ZNF440: variants seen among roughly 807,000 people sequenced by gnomAD.
The protein encoded by ZNF440 is zinc finger protein 440.
ZNF440 carries 47 observed loss-of-function variants against 49.7 expected under a neutral mutation model. That is an observed-to-expected ratio of 0.95 (90% confidence interval 0.75 to 1.21). ZNF440 has a LOEUF of 1.21. Ranked by LOEUF, ZNF440 falls within the 50% of genes most tolerant of loss-of-function variation. The pLI is 0.00. For synonymous variants in ZNF440, 255 were observed against 237.7 expected (o/e 1.07, Z -0.67); for missense variants, 703 against 715.0 (o/e 0.98, Z 0.19).
At chr19:11,820,394 AT>A (rs1445073221) in intron 1 of ZNF440, among the ~76,000 whole-genome samples, 2 of 151,554 alleles carry the variant, frequency 1.3e-5, no homozygotes, top group Admixed American at 6.6e-5. Flanking sequence ...TTTTTTTTGT[AT>A]TTTTTGTAGA....
intron 1 of ZNF440, among the ~76,000 whole-genome samples, chr19:11,822,788 A>G (rs989428643): frequency 5.3e-5 from 8 of 150,806 alleles, no homozygotes; most frequent in African/African-American, 1.7e-4. Context: ...TGGAGGTTGT[A>G]GTGAGCCAAG....
In ZNF440 at chr19:11,833,555, CA is replaced by C. The variant is rs901218459; in HGVS notation, c.*592del. 28 of 301,328 alleles carry C rather than the reference CA, an allele frequency of 9.3e-5. No homozygotes were observed. The highest frequency in any genetic ancestry group is 5.4e-4 in the African/African-American group (24 of 44,140). 18.7% of individuals were successfully genotyped at this position (301,328 alleles called of 1,614,324 possible). On this transcript the variant is annotated 3_prime_UTR_variant, in exon 4 of 4. Coordinates refer to ENST00000304060, the MANE Select transcript of ZNF440 (RefSeq NM_152357.3). ...TTCTTTTCAATATCATGAAAGAACA[CA>C]CTAGGGAGAAACCCTATCAATGTAA...
At position 11,831,400 on chromosome 19, in the gene ZNF440, A is replaced by G; in HGVS notation, c.224A>G (p.Lys75Arg). ...SLIEEKVNEIKDDSHCGETFT... is the reference protein window; with the variant it reads ...SLIEEKVNEIRDDSHCGETFT... ...ATAGAAGAAAAAGTCAATGAAATTA[A>G]AGATGACAGTCATTGTGGAGAAACT... is the stretch of plus-strand genomic sequence containing the variant. The change falls in exon 4 of 4, where the codon AAA (lysine) becomes AGA (arginine). Residue 75 changes from lysine (K) to arginine (R), a missense_variant. By Grantham distance (26) the Lys-to-Arg change is conservative. Coordinates refer to ENST00000304060, the MANE Select transcript of ZNF440 (RefSeq NM_152357.3). 6.2e-7 allele frequency: 1 copy of G among 1,609,406 alleles called. No homozygotes were observed. The highest frequency in any genetic ancestry group is 1.3e-5 in the African/African-American group (1 of 74,586).
In ZNF440 at chr19:11,832,726, C is replaced by G. The variant is rs201343885; in HGVS notation, c.1550C>G (p.Ala517Gly). 10 of 1,602,596 alleles carry G rather than the reference C, an allele frequency of 6.2e-6. No homozygotes were observed. Among genetic ancestry groups the G allele is most frequent in the South Asian group, 3.3e-5 (3 of 89,964 alleles). Residue 517 changes from alanine to glycine, a missense_variant, in exon 4 of 4, where the codon GCG becomes GGG. Physicochemically the swap from Ala to Gly is moderately conservative, Grantham distance 60 (BLOSUM62 0). Coordinates refer to ENST00000304060, the MANE Select transcript of ZNF440 (RefSeq NM_152357.3). Reference protein sequence around the residue: ...GLTLERSPINASNVGKPSELC... With the variant: ...GLTLERSPINGSNVGKPSELC... ...ACACTGGAGAGAAGCCCTATAAATG[C>G]GAGCAATGTGGGAAAGCCTTCAGAG...
Position 11,833,784 on chromosome 19 carries a change from CT to C in ZNF440, c.*822del. 2 of 849,586 alleles carry C rather than the reference CT, an allele frequency of 2.4e-6. No individual in the cohort carries two copies. The highest frequency in any genetic ancestry group is 1.7e-6 in the Non-Finnish European group (1 of 578,928). The allele number at this position is 849,586 out of a possible 1,614,324, so 52.6% of individuals were successfully genotyped here. A position where few individuals can be genotyped will look rare whatever the true frequency, so the allele number is the denominator to read the frequency against. ...GAAAGCCTTCAGATCAGCCTCGCAC[CT>C]TCAAATGCATGGAAGGACTCACACT... On this transcript the variant is annotated 3_prime_UTR_variant, in exon 4 of 4. Transcript: ENST00000304060.
intron 1 of ZNF440, among the ~76,000 whole-genome samples, chr19:11,829,213 GT>G (rs1975903644): frequency 6.6e-6 from 1 of 151,842 alleles, no homozygotes. Context: ...GCTTAGGAAT[GT>G]CCCCTTTGCC....
intron 1 of ZNF440, among the ~76,000 whole-genome samples, chr19:11,826,573 AT>A (rs1337458473): frequency 7.9e-5 from 12 of 152,000 alleles, no homozygotes; most frequent in African/African-American, 2.9e-4. Flanking sequence ...TGTCTCCAGC[AT>A]TTGGAAGTGT....
Position 11,833,213 on chromosome 19 carries a change from A to C in ZNF440, c.*249A>C. 4.8e-6 allele frequency: 5 copies of C among 1,041,522 alleles called. No homozygotes were observed. The highest frequency in any genetic ancestry group is 7.1e-6 in the Non-Finnish European group (5 of 705,004). 64.5% of individuals were successfully genotyped at this position (1,041,522 alleles called of 1,614,324 possible). On this transcript the variant is annotated 3_prime_UTR_variant, in exon 4 of 4. Coordinates refer to ENST00000304060, the MANE Select transcript of ZNF440 (RefSeq NM_152357.3). ...TGTCAAAAATCTTCGATTTCATAAA[A>C]GGACACACACTGGAGAGAAACCCTG...
rs938915651 is a variant in ZNF440 at position 11,832,131 on chromosome 19, A to G, written c.955A>G (p.Lys319Glu). The change falls in exon 4 of 4, where the codon AAA becomes GAA. Residue 319 changes from lysine to glutamate, a missense_variant. By Grantham distance (56) the Lys-to-Glu change is moderately conservative. Coordinates refer to ENST00000304060, the MANE Select transcript of ZNF440 (RefSeq NM_152357.3). ...TCTCTATGAATGTAAGCAGTGTGGGAAAGCATTATCCTCTCTTACAAGTTT... is the reference window on the plus strand; with the variant it reads ...TCTCTATGAATGTAAGCAGTGTGGGGAAGCATTATCCTCTCTTACAAGTTT... Reference protein sequence around the residue: ...KNLYECKQCGKALSSLTSFQT... With the variant: ...KNLYECKQCGEALSSLTSFQT... The G allele has an allele frequency of 1.9e-6, 3 of 1,614,112 alleles. No homozygotes were observed. In the African/African-American group the frequency reaches 4.0e-5, roughly 22 times the overall value.
Position 11,831,835 on chromosome 19 carries a change from G to T in ZNF440, c.659G>T (p.Arg220Ile). Reference sequence around the variant, plus strand: ...CTCAGATTATATCTTATCCATGAAAGAATTCACACTGGAGAGAAACCATGT... The same window carrying T: ...CTCAGATTATATCTTATCCATGAAATAATTCACACTGGAGAGAAACCATGT... ...HCLRLYLIHERIHTGEKPCEC... is the reference protein window; with the variant it reads ...HCLRLYLIHEIIHTGEKPCEC... The change falls in exon 4 of 4, where the codon AGA becomes ATA. Residue 220 changes from arginine (R) to isoleucine (I), a missense_variant. Physicochemically the swap from Arg to Ile is moderately conservative, Grantham distance 97. Transcript: ENST00000304060. 2 of 1,609,276 alleles carry T rather than the reference G, an allele frequency of 1.2e-6. No homozygotes were observed. Among genetic ancestry groups the T allele is most frequent in the Non-Finnish European group, 1.7e-6 (2 of 1,176,436 alleles).
chr19:11,821,959 G>A (rs1395993811), intron 1 of ZNF440, among the ~76,000 whole-genome samples: 1 of 152,244 alleles, frequency 6.6e-6, no homozygotes, highest in African/African-American at 2.4e-5. Flanking sequence ...GGAACATCCA[G>A]GATGCACATT....
chr19:11,832,586 C>T lies in ZNF440; in HGVS notation c.1410C>T (p.Pro470=). 2 of 1,613,452 alleles carry T rather than the reference C, an allele frequency of 1.2e-6. No homozygotes were observed. The highest frequency in any genetic ancestry group is 1.7e-6 in the Non-Finnish European group (2 of 1,179,890). Residue 470 remains proline, a synonymous_variant, in exon 4 of 4, where the codon CCC becomes CCT. Transcript: ENST00000304060. ...TATGTGGGAAAGGCTTTTATTGTCC[C>T]AAATCATTTCAAAGACATGAAAAAA... ...CKICGKGFYC[P]KSFQRHEKTH... is the part of the protein sequence containing the mutation.
chr19:11,823,568 T>G (rs1975824753), intron 1 of ZNF440, among the ~76,000 whole-genome samples: 1 of 152,196 alleles, frequency 6.6e-6, no homozygotes, highest in African/African-American at 2.4e-5. Context: ...ATTTTTTCAT[T>G]TATTTCATTT....
intron 1 of ZNF440, 146 bp from the exon 2 acceptor site, chr19:11,830,137 T>G: frequency 6.8e-7 from 1 of 1,468,972 alleles, no homozygotes; most frequent in Non-Finnish European, 9.1e-7. Context: ...AAAGTAAGTA[T>G]ACACAGGGAG....
intron 1 of ZNF440, among the ~76,000 whole-genome samples, chr19:11,819,175 A>T (rs1222851923): frequency 1.3e-5 from 2 of 152,100 alleles, no homozygotes; most frequent in Admixed American, 6.6e-5. Context: ...ATTAAATTTT[A>T]AAAAAATAGT....
chr19:11,814,277 T>A lies in ZNF440; in HGVS notation c.-171T>A, dbSNP rs1170216087. ...GGGAAGGGGGAAGGGACAGTCGCCC[T>A]CCGTCCATTCCTTTAGTGCTGCGCC... On this transcript the variant is annotated 5_prime_UTR_variant, in exon 1 of 4. Coordinates refer to ENST00000304060, the MANE Select transcript of ZNF440 (RefSeq NM_152357.3). 14 of 595,264 alleles carry A rather than the reference T, an allele frequency of 2.4e-5. No homozygotes were observed. The highest frequency in any genetic ancestry group is 3.4e-5 in the Non-Finnish European group (13 of 386,024). The allele number at this position is 595,264 out of a possible 1,614,324, so 36.9% of individuals were successfully genotyped here.
intron 1 of ZNF440, among the ~76,000 whole-genome samples, chr19:11,825,401 A>G (rs1245901886): frequency 6.6e-6 from 1 of 152,194 alleles, no homozygotes; most frequent in African/African-American, 2.4e-5. Context: ...AGTCTTATAG[A>G]GAAGTGTTTT....
At chr19:11,819,619 C>T (rs534078050) in intron 1 of ZNF440, among the ~76,000 whole-genome samples, 2 of 152,278 alleles carry the variant, frequency 1.3e-5, no homozygotes, top group African/African-American at 4.8e-5. Context: ...AGGCTGGCCT[C>T]GAACTCCTGG....
At position 11,832,832 on chromosome 19, in the gene ZNF440, A is replaced by G; in HGVS notation, c.1656A>G (p.Ser552=). The G allele has an allele frequency of 6.2e-7, 1 of 1,614,114 alleles. No homozygotes were observed. The highest frequency in any genetic ancestry group is 8.5e-7 in the Non-Finnish European group (1 of 1,180,022). Residue 552 remains serine (S), a synonymous_variant, in exon 4 of 4, where the codon TCA becomes TCG. Coordinates refer to ENST00000304060, the MANE Select transcript of ZNF440 (RefSeq NM_152357.3). ...GTGTGAGCAATGACGGAAAGCCTTC[A>G]GATCTGCCCCACACCTTTGAATACG... ...PMSVSNDGKP[S]DLPHTFEYVV... is the part of the protein sequence containing the mutation.
Sources: allele counts gnomAD v4.1 joint callset (sites outside exome capture counted in the v4.1 genomes callset), GRCh38; gene constraint gnomAD v4.1.1; transcripts MANE v1.5; gene names NCBI Gene and HGNC (gene_info 2026-07-23, HGNC 2026-07-21).